The following EVA1A variants were observed in gnomAD, a reference collection of about 807,000 sequenced individuals.
The protein encoded by EVA1A is protein eva-1 homolog A.
EVA1A carries 7 observed loss-of-function variants against 9.8 expected under a neutral mutation model. That is an observed-to-expected ratio of 0.71 (90% confidence interval 0.41 to 1.34). The LOEUF is 1.34. Among genes scored for constraint, EVA1A ranks in the 40% most tolerant of loss-of-function variants. The pLI, the probability that EVA1A is intolerant of heterozygous loss-of-function variation, is 0.01. For missense variants in EVA1A, 206 were observed against 205.9 expected, an observed-to-expected ratio of 1.00 and a Z score of 0.00; for synonymous variants, 90 against 85.6, an observed-to-expected ratio of 1.05 and a Z score of -0.28.
Position 75,553,902 on chromosome 2 carries a change from G to T in EVA1A, c.-192+6778C>A, listed in dbSNP as rs569733303. Among the ~76,000 whole-genome samples the T allele has an allele frequency of 6.6e-5, 10 of 152,296 alleles. No individual in the cohort carries two copies. The South Asian group carries it at 1.9e-3, about 28-fold the overall frequency. On this transcript the variant is annotated intron_variant, in intron 1 of 3. Coordinates refer to ENST00000393913, the MANE Select transcript of EVA1A (RefSeq NM_001135032.2). ...TTCCGCCCACTCTCAGGTTCATAGC[G>T]ACATCTCAGTGCAGCAAAGAAGGAT...
At chr2:75,564,442 G>C (rs1676987735), upstream of EVA1A, among the ~76,000 whole-genome samples, 1 of 152,200 alleles carries the variant, frequency 6.6e-6, no homozygotes, top group Non-Finnish European at 1.5e-5. Flanking sequence ...GCAGATGTGG[G>C]CAGGTAATGC....
chr2:75,556,637 G>A (rs1676719284), intron 1 of EVA1A, among the ~76,000 whole-genome samples: 1 of 152,216 alleles, frequency 6.6e-6, no homozygotes, highest in Non-Finnish European at 1.5e-5. Flanking sequence ...GTGTGGGAAA[G>A]GGAAGGCAGT....
Sources: gnomAD v4.1 joint callset for allele counts (sites outside exome capture counted in the v4.1 genomes callset) on GRCh38, gnomAD v4.1.1 for gene constraint, MANE v1.5 for transcripts, NCBI Gene and HGNC (gene_info 2026-07-23, HGNC 2026-07-21) for gene names.